The following CAPN15 variants were observed in gnomAD, a reference collection of about 807,000 sequenced individuals.
CAPN15 encodes calpain 15, also known as calpain-15.
In CAPN15, 53 loss-of-function variants were observed where a neutral mutation model predicts 97.9. That is an observed-to-expected ratio of 0.54 (90% confidence interval 0.43 to 0.68). CAPN15 has a LOEUF of 0.68. Ranked by LOEUF, CAPN15 falls within the 30% of genes least tolerant of loss-of-function variation. The probability of loss-of-function intolerance (pLI) is 0.00; values close to 1 mark genes in which losing one functional copy is unlikely to be tolerated. For synonymous variants in CAPN15, 922 were observed against 722.5 expected (o/e 1.28, Z -4.43); for missense variants, 1,592 against 1,589.8 (o/e 1.00, Z -0.02).
chr16:542,888 T>G (rs2034223861), intron 3 of CAPN15, among the ~76,000 whole-genome samples: 1 of 152,170 alleles, frequency 6.6e-6, no homozygotes, highest in African/African-American at 2.4e-5. Flanking sequence ...ACCCCATCTC[T>G]ACTAAAACAA....
rs759473506 is a variant in CAPN15 at position 551,499 on chromosome 16, C to T, written c.2193-13C>T. ...GGCAGTGTGGTTCAGATCCTCACCC[C>T]TGTGGTCTGCAGGCTTCTGCGGCTC... On this transcript the variant is annotated splice_polypyrimidine_tract_variant and intron_variant, in intron 8 of 13. Coordinates refer to ENST00000219611, the MANE Select transcript of CAPN15 (RefSeq NM_005632.3). 5.6e-6 allele frequency: 9 copies of T among 1,607,348 alleles called. No homozygotes were observed. In the African/African-American group the frequency reaches 1.2e-4, roughly 21 times the overall value.
At chr16:533,692 T>G (rs745830835) in intron 1 of CAPN15, among the ~76,000 whole-genome samples, 4 of 152,150 alleles carry the variant, frequency 2.6e-5, no homozygotes, top group Non-Finnish European at 5.9e-5. Flanking sequence ...TTGACCGCAC[T>G]GGACAGGTCA....
intron 1 of CAPN15, among the ~76,000 whole-genome samples, chr16:529,708 T>A (rs1045596975): frequency 6.6e-6 from 1 of 151,950 alleles, no homozygotes; most frequent in Non-Finnish European, 1.5e-5. Context: ...CGTGGACAGG[T>A]GCTGAGAAGG....
rs1192487467 is a variant in CAPN15, at chr16:546,878, T to A, written c.40T>A (p.Phe14Ile). Residue 14 changes from phenylalanine (F) to isoleucine (I), a missense_variant, in exon 4 of 14, where the codon TTC (phenylalanine) becomes ATC (isoleucine). Physicochemically the swap from Phe to Ile is conservative, Grantham distance 21 (BLOSUM62 0). This residue lies in a region of CAPN15 where 883 missense variants were observed against 776.6 expected (regional missense o/e 1.14). Coordinates refer to ENST00000219611, the MANE Select transcript of CAPN15 (RefSeq NM_005632.3). ...AGAGTGGTCCTGTGTGCGCTGCACC[T>A]TCCTGAACCCGGCCGGCCAGCGCCA... ...VGEWSCVRCT[F>I]LNPAGQRQCS... 1 of 1,611,662 alleles carries A rather than the reference T, an allele frequency of 6.2e-7. No individual in the cohort carries two copies. The highest frequency in any genetic ancestry group is 1.1e-5 in the South Asian group (1 of 90,998).
At chr16:553,258 C>G (rs972264166) in intron 13 of CAPN15, 81 bp from the exon 14 acceptor site, 1 of 993,522 alleles carries the variant, frequency 1.0e-6, no homozygotes, top group Non-Finnish European at 1.5e-6. Context: ...CACTCCTGCT[C>G]CTGCCCCTGT....
At chr16:540,393 CCCCGGAGGGCT>C (rs921657565) in intron 3 of CAPN15, 3 of 979,056 alleles carry the variant, frequency 3.1e-6, no homozygotes, top group Admixed American at 6.1e-5. Flanking sequence ...GGAGGGGTGG[CCCCGGAGGGCT>C]CCCGGGGGCA....
At position 547,834 on chromosome 16, in the gene CAPN15, GCCCGCCAGC is replaced by G. The variant is rs756016116; in HGVS notation, c.1000_1008del (p.Ala334_Pro336del). On this transcript the variant is annotated inframe_deletion, in exon 4 of 14. Coordinates refer to ENST00000219611, the MANE Select transcript of CAPN15 (RefSeq NM_005632.3). ...TGGCCGGAGACACCGTGCGTTACAC[GCCCGCCAGC>G]CCCTCCAGCCCCGACTTCACCACCT... 8.7e-6 allele frequency: 14 copies of G among 1,608,444 alleles called. No homozygotes were observed. The highest frequency in any genetic ancestry group is 4.5e-5 in the East Asian group (2 of 44,432).
chr16:529,892 G>C (rs1279848520), intron 1 of CAPN15, among the ~76,000 whole-genome samples: 1 of 152,170 alleles, frequency 6.6e-6, no homozygotes, highest in Non-Finnish European at 1.5e-5. Flanking sequence ...TTCCTCATAA[G>C]ACACAGAAGA....
At chr16:544,981 C>T (rs1198052721) in intron 3 of CAPN15, among the ~76,000 whole-genome samples, 1 of 145,638 alleles carries the variant, frequency 6.9e-6, no homozygotes, top group Non-Finnish European at 1.5e-5. Flanking sequence ...CCTTGCTGAG[C>T]ACGTGTGGCT....
chr16:531,088 T>C (rs2033217229), intron 1 of CAPN15, among the ~76,000 whole-genome samples: 2 of 152,276 alleles, frequency 1.3e-5, no homozygotes, highest in South Asian at 2.1e-4. Context: ...AATGTCACAG[T>C]GACTGCAGCG....
chr16:537,442 G>C, intron 3 of CAPN15: 1 of 985,702 alleles, frequency 1.0e-6, no homozygotes, highest in Non-Finnish European at 1.2e-6. Context: ...GTGGGTGAGT[G>C]CGTGGGTGGG....
At chr16:548,352 C>A (rs888260125) in intron 4 of CAPN15, 65 bp downstream of exon 4, 4 of 1,394,104 alleles carry the variant, frequency 2.9e-6, no homozygotes, top group Non-Finnish European at 3.8e-6. Flanking sequence ...CCTTCCTAGG[C>A]TTTGGGCTCT....
chr16:549,069 A>C lies in CAPN15; in HGVS notation c.1526A>C (p.Gln509Pro). 4 of 1,612,714 alleles carry C rather than the reference A, an allele frequency of 2.5e-6. No individual in the cohort carries two copies. The highest frequency in any genetic ancestry group is 3.4e-6 in the Non-Finnish European group (4 of 1,179,948). ...GGCTTCCCCGCGGGTGACAGCGTGC[A>C]GCAGCGTGTGAGGCAGTGGCTGCGA... ...SVGFPAGDSV[Q>P]QRVRQWLRPQ... The change falls in exon 5 of 14, where the codon CAG becomes CCG. Residue 509 changes from glutamine (Q) to proline (P), a missense_variant. This residue lies in a region of CAPN15 where 883 missense variants were observed against 776.6 expected (regional missense o/e 1.14). Transcript: ENST00000219611.
intron 9 of CAPN15, 67 bp from the exon 10 acceptor site, chr16:551,984 G>A (rs2035119210): frequency 6.0e-6 from 9 of 1,492,496 alleles, no homozygotes; most frequent in Non-Finnish European, 8.2e-6. Context: ...TGTGGTTGCG[G>A]TAGGCGCTGA....
intron 9 of CAPN15, 133 bp from the exon 10 acceptor site, chr16:551,918 G>A (rs953066736): frequency 3.6e-6 from 4 of 1,104,842 alleles, no homozygotes; most frequent in South Asian, 2.7e-5. Context: ...GCCCCCGGGG[G>A]CCGGGCTGCA....
intron 1 of CAPN15, among the ~76,000 whole-genome samples, chr16:528,386 T>C (rs982221182): frequency 5.9e-5 from 9 of 152,202 alleles, no homozygotes; most frequent in Non-Finnish European, 8.8e-5. Flanking sequence ...AGTGCCCTTA[T>C]ATCCGGGCCC....
chr16:536,594 T>G (rs1236357953), intron 3 of CAPN15, among the ~76,000 whole-genome samples: 1 of 152,072 alleles, frequency 6.6e-6, no homozygotes, highest in East Asian at 1.9e-4. Context: ...AGCTAATTTT[T>G]TGTGTGTTTT....
intron 3 of CAPN15, among the ~76,000 whole-genome samples, chr16:544,950 C>G (rs1187494972): frequency 7.0e-6 from 1 of 141,880 alleles, no homozygotes; most frequent in Non-Finnish European, 1.5e-5. Flanking sequence ...CGAAGGTAAC[C>G]ATCCTGCAGT....
At chr16:528,868 G>C (rs752308942) in intron 1 of CAPN15, 53 of 625,030 alleles carry the variant, frequency 8.5e-5, no homozygotes, top group Non-Finnish European at 9.6e-5. Context: ...CCTCTGCCCA[G>C]GTCTGAGGGG....
Sources: allele counts gnomAD v4.1 joint callset (sites outside exome capture counted in the v4.1 genomes callset), GRCh38; gene constraint gnomAD v4.1.1; regional missense constraint gnomAD v4.1.1; transcripts MANE v1.5; gene names NCBI Gene and HGNC (gene_info 2026-07-23, HGNC 2026-07-21).